Variants in LRRC8D observed in about 807,000 individuals in gnomAD.
The protein encoded by LRRC8D is leucine rich repeat containing 8 VRAC subunit D.
A neutral mutation model predicts 55.8 loss-of-function variants in LRRC8D; 20 were observed. That is an observed-to-expected ratio of 0.36 (90% CI 0.25 to 0.52). The LOEUF (loss-of-function observed/expected upper bound fraction) is 0.52, where lower values mean the gene tolerates loss of function less well. Among genes scored for constraint, LRRC8D ranks in the 20% least tolerant of loss-of-function variants. The probability of loss-of-function intolerance (pLI) is 0.93; values close to 1 mark genes in which losing one functional copy is unlikely to be tolerated. For missense variants in LRRC8D, 651 were observed against 1,030.8 expected, an observed-to-expected ratio of 0.63 and a Z score of 5.05; for synonymous variants, 352 against 377.0, an observed-to-expected ratio of 0.93 and a Z score of 0.77.
At chr1:89,891,270 T>G (rs1049125618) in intron 2 of LRRC8D, among the ~76,000 whole-genome samples, 4 of 152,218 alleles carry the variant, frequency 2.6e-5, no homozygotes, top group Non-Finnish European at 5.9e-5. Flanking sequence ...TTCTGGTATT[T>G]TCTCATGATT....
chr1:89,841,270 C>A (rs66995711), intron 1 of LRRC8D, among the ~76,000 whole-genome samples: 27,822 of 152,058 alleles, frequency 0.18, 2,946 homozygotes, highest in African/African-American at 0.3. Context: ...TCTTCTTCCC[C>A]GCCCCTGCCT....
intron 2 of LRRC8D, among the ~76,000 whole-genome samples, chr1:89,874,454 T>A (rs879766449): frequency 1.3e-5 from 2 of 148,998 alleles, no homozygotes; most frequent in Non-Finnish European, 3.0e-5. Context: ...TGTGTGTGTG[T>A]GTGTGTGTGT....
intron 1 of LRRC8D, among the ~76,000 whole-genome samples, chr1:89,823,888 A>C (rs532531352): frequency 6.6e-6 from 1 of 152,318 alleles, no homozygotes; most frequent in East Asian, 1.9e-4. Context: ...GACTTTTGAC[A>C]GTGGTCAGGG....
chr1:89,902,791 T>C (rs956830114), intron 2 of LRRC8D, among the ~76,000 whole-genome samples: 3 of 152,218 alleles, frequency 2.0e-5, no homozygotes, highest in Non-Finnish European at 4.4e-5. Context: ...CCCAAAGTGC[T>C]GGGATTACAG....
At position 89,827,249 on chromosome 1, in the gene LRRC8D, T is replaced by C. The variant is rs566617632; in HGVS notation, c.-148+5958T>C. Among the ~76,000 whole-genome samples the C allele has an allele frequency of 2.4e-4, 37 of 151,258 alleles. 1 individual carries two copies. The South Asian group carries it at 4.8e-3, about 20-fold the overall frequency. ...CCTGTAATCCCAGCTACTCGGGAAGTTGAGGCAGGAGAATCACTTGAACTC... is the reference window on the plus strand; with the variant it reads ...CCTGTAATCCCAGCTACTCGGGAAGCTGAGGCAGGAGAATCACTTGAACTC... On this transcript the variant is annotated intron_variant, in intron 1 of 2. Transcript: ENST00000337338.
chr1:89,932,194 A>G (rs1023587052), intron 2 of LRRC8D, among the ~76,000 whole-genome samples: 6 of 152,318 alleles, frequency 3.9e-5, no homozygotes, highest in Admixed American at 3.9e-4. Context: ...GGCTTCATTC[A>G]TGGCTGCTCG....
Position 89,874,028 on chromosome 1 carries a change from G to T in LRRC8D, c.-3+30246G>T, listed in dbSNP as rs2816854. ...CTATGGAAACCAAAAATCACAAATG[G>T]GATAGTCTAAGTGTTAAGCATTCTG... On this transcript the variant is annotated intron_variant, in intron 2 of 2. Coordinates refer to ENST00000337338, the MANE Select transcript of LRRC8D (RefSeq NM_001134479.2). Among the ~76,000 whole-genome samples, 1,135 of 152,270 alleles carry T rather than the reference G, an allele frequency of 7.5e-3. 8 individuals are homozygous for T. The highest frequency in any genetic ancestry group is 0.026 in the African/African-American group (1,091 of 41,532).
chr1:89,884,710 C>G (rs897905604), intron 2 of LRRC8D, among the ~76,000 whole-genome samples: 2 of 152,194 alleles, frequency 1.3e-5, no homozygotes, highest in African/African-American at 2.4e-5. Flanking sequence ...TAATTCCTCT[C>G]AGACTTGATG....
intron 2 of LRRC8D, among the ~76,000 whole-genome samples, chr1:89,876,419 C>T (rs1662149710): frequency 6.6e-6 from 1 of 152,164 alleles, no homozygotes; most frequent in South Asian, 2.1e-4. Context: ...CTATTTTAAG[C>T]TTCTTAAAAA....
At chr1:89,825,024 T>A (rs537047658) in intron 1 of LRRC8D, among the ~76,000 whole-genome samples, 3 of 152,328 alleles carry the variant, frequency 2.0e-5, no homozygotes, top group South Asian at 4.1e-4. Context: ...TTGGGCAGAT[T>A]TTTTTGGAGA....
intron 2 of LRRC8D, among the ~76,000 whole-genome samples, chr1:89,871,758 G>A (rs1329971990): frequency 2.0e-5 from 3 of 152,170 alleles, no homozygotes; most frequent in Admixed American, 1.3e-4. Flanking sequence ...ATAGTACCTG[G>A]TACCTACGGT....
At chr1:89,864,840 G>A (rs1661802610) in intron 2 of LRRC8D, among the ~76,000 whole-genome samples, 3 of 152,046 alleles carry the variant, frequency 2.0e-5, no homozygotes, top group African/African-American at 7.2e-5. Context: ...ACTTCTTCCT[G>A]TACTTCTTAT....
At chr1:89,826,802 C>T (rs1036327668) in intron 1 of LRRC8D, among the ~76,000 whole-genome samples, 2 of 152,154 alleles carry the variant, frequency 1.3e-5, no homozygotes, top group African/African-American at 4.8e-5. Flanking sequence ...GACAGCTTTT[C>T]TGGATTATGA....
chr1:89,900,018 A>G (rs931828312), intron 2 of LRRC8D, among the ~76,000 whole-genome samples: 1 of 152,212 alleles, frequency 6.6e-6, no homozygotes, highest in Admixed American at 6.5e-5. Context: ...AGAATCTTAC[A>G]GCTTTAGTGA....
chr1:89,857,879 C>T (rs901764082), intron 2 of LRRC8D, among the ~76,000 whole-genome samples: 17 of 152,284 alleles, frequency 1.1e-4, no homozygotes, highest in African/African-American at 4.1e-4. Context: ...TCTTTTTGCT[C>T]TTCACTATCT....
At chr1:89,836,713 G>T (rs1431770908) in intron 1 of LRRC8D, among the ~76,000 whole-genome samples, 1 of 152,076 alleles carries the variant, frequency 6.6e-6, no homozygotes. Context: ...GTTTAGAGGT[G>T]GTTACTACCC....
At chr1:89,821,979 A>C (rs1468684477) in intron 1 of LRRC8D, 1 of 152,226 alleles carries the variant, frequency 6.6e-6, no homozygotes, top group Non-Finnish European at 1.5e-5. Flanking sequence ...CTTCTGCTCA[A>C]ATCCTGTCCA....
chr1:89,869,858 C>T (rs1661951766), intron 2 of LRRC8D, among the ~76,000 whole-genome samples: 1 of 152,100 alleles, frequency 6.6e-6, no homozygotes, highest in Admixed American at 6.5e-5. Flanking sequence ...TCCTGTAATC[C>T]CAGCACTTTG....
At chr1:89,876,017 A>G (rs1662138271) in intron 2 of LRRC8D, among the ~76,000 whole-genome samples, 1 of 152,174 alleles carries the variant, frequency 6.6e-6, no homozygotes, top group Non-Finnish European at 1.5e-5. Context: ...GGTAGGGAGC[A>G]TGTCAGCCCC....
Sources: gnomAD v4.1 joint callset for allele counts (sites outside exome capture counted in the v4.1 genomes callset) on GRCh38, gnomAD v4.1.1 for gene constraint, MANE v1.5 for transcripts, NCBI Gene and HGNC (gene_info 2026-07-23, HGNC 2026-07-21) for gene names.